The following CDH18 variants were observed in gnomAD, a reference collection of about 807,000 sequenced individuals.
The protein encoded by CDH18 is cadherin 18.
In CDH18, 31 loss-of-function variants were observed where a neutral mutation model predicts 67.9. The observed-to-expected ratio is 0.46, with a 90% CI of 0.34 to 0.62. CDH18 has a LOEUF of 0.62. Ranked by LOEUF, CDH18 falls within the 20% of genes least tolerant of loss-of-function variation. The probability of loss-of-function intolerance (pLI) is 0.01; values close to 1 mark genes in which losing one functional copy is unlikely to be tolerated. For synonymous variants in CDH18, 362 were observed against 347.2 expected, an observed-to-expected ratio of 1.04 and a Z score of -0.48; for missense variants, 890 against 975.5, an observed-to-expected ratio of 0.91 and a Z score of 1.17.
intron 2 of CDH18, among the ~76,000 whole-genome samples, chr5:20,219,691 CA>C (rs1224399055): frequency 6.6e-6 from 1 of 151,778 alleles, no homozygotes; most frequent in Admixed American, 6.6e-5. Flanking sequence ...GCAAATCAAT[CA>C]ATGTGATATA....
chr5:19,784,367 A>G (rs1775472481), intron 3 of CDH18, among the ~76,000 whole-genome samples: 1 of 152,162 alleles, frequency 6.6e-6, no homozygotes, highest in Non-Finnish European at 1.5e-5. Context: ...GCAACTTGAA[A>G]TTTTTAGTTA....
At chr5:20,367,157 T>C (rs937558357) in intron 1 of CDH18, among the ~76,000 whole-genome samples, 1 of 152,140 alleles carries the variant, frequency 6.6e-6, no homozygotes, top group Non-Finnish European at 1.5e-5. Flanking sequence ...TGCTGTCTTT[T>C]GATTGAGAGC....
intron 3 of CDH18, among the ~76,000 whole-genome samples, chr5:19,796,327 CCA>C (rs1244318121): frequency 6.6e-6 from 1 of 151,798 alleles, no homozygotes; most frequent in African/African-American, 2.4e-5. Flanking sequence ...TTGAAAGCAG[CCA>C]GAGTAAAGTG....
At chr5:19,572,519 C>T (rs137961759) in intron 7 of CDH18, among the ~76,000 whole-genome samples, 322 of 152,230 alleles carry the variant, frequency 2.1e-3, no homozygotes, top group African/African-American at 7.5e-3. Context: ...ATTCAGGTTG[C>T]TATAACAGAA....
chr5:20,334,729 ATCTC>A (rs766458176), intron 1 of CDH18, among the ~76,000 whole-genome samples: 2,133 of 129,726 alleles, frequency 0.016, 45 homozygotes, highest in East Asian at 0.11. Context: ...GAGTGCTATG[ATCTC>A]TCTCTCTCTC....
At chr5:20,548,682 A>G (rs1703041) in intron 1 of CDH18, among the ~76,000 whole-genome samples, 66,979 of 151,926 alleles carry the variant, frequency 0.44, 15,196 homozygotes, top group East Asian at 0.57. Flanking sequence ...TTATGACTGA[A>G]GAATGCTGAA....
intron 2 of CDH18, among the ~76,000 whole-genome samples, chr5:19,903,625 T>C (rs1438096516): frequency 2.3e-5 from 3 of 132,844 alleles, no homozygotes; most frequent in East Asian, 4.0e-4. Flanking sequence ...GGCTTTTTTT[T>C]TTTTTTTTTT....
chr5:19,536,285 T>C (rs1286526137), intron 9 of CDH18, among the ~76,000 whole-genome samples: 2 of 152,184 alleles, frequency 1.3e-5, no homozygotes, highest in East Asian at 1.9e-4. Context: ...TTTGTCTAAG[T>C]TGTTGAAAAA....
chr5:20,498,932 C>G (rs1754072023), intron 1 of CDH18, among the ~76,000 whole-genome samples: 1 of 151,406 alleles, frequency 6.6e-6, no homozygotes, highest in Non-Finnish European at 1.5e-5. Context: ...TTTTAAATAT[C>G]TGGTTATAGA....
At chr5:20,069,261 A>G (rs1356119200) in intron 2 of CDH18, among the ~76,000 whole-genome samples, 2 of 151,942 alleles carry the variant, frequency 1.3e-5, no homozygotes, top group African/African-American at 4.8e-5. Context: ...CTGGGCTGCC[A>G]TTTCTGAGGC....
intron 2 of CDH18, among the ~76,000 whole-genome samples, chr5:20,051,957 A>G (rs935318611): frequency 1.3e-5 from 2 of 152,044 alleles, no homozygotes; most frequent in African/African-American, 4.8e-5. Context: ...CCCCTCTTTC[A>G]TCATGGGCAC....
At chr5:20,095,379 GA>G (rs1254893785) in intron 2 of CDH18, among the ~76,000 whole-genome samples, 67 of 106,366 alleles carry the variant, frequency 6.3e-4, no homozygotes, top group African/African-American at 7.6e-4. Flanking sequence ...AAGAAAGAAA[GA>G]AAAGAGAAAC....
At chr5:19,869,567 A>T (rs1198264764) in intron 2 of CDH18, among the ~76,000 whole-genome samples, 1 of 152,156 alleles carries the variant, frequency 6.6e-6, no homozygotes, top group Admixed American at 6.6e-5. Context: ...TGATTTGAAT[A>T]ATAATTCTAC....
intron 2 of CDH18, among the ~76,000 whole-genome samples, chr5:19,922,044 G>A (rs1459347567): frequency 2.6e-5 from 4 of 152,110 alleles, no homozygotes; most frequent in Non-Finnish European, 5.9e-5. Flanking sequence ...TCATTTCTGA[G>A]AATGTGAAGG....
intron 1 of CDH18, among the ~76,000 whole-genome samples, chr5:20,360,968 G>C (rs1273229312): frequency 1.3e-5 from 2 of 151,818 alleles, no homozygotes; most frequent in African/African-American, 4.8e-5. Flanking sequence ...TCAACCATAA[G>C]TGATTTTATT....
At chr5:19,702,560 G>A (rs183107429) in intron 5 of CDH18, among the ~76,000 whole-genome samples, 1 of 151,352 alleles carries the variant, frequency 6.6e-6, no homozygotes, top group East Asian at 2.1e-4. Flanking sequence ...GAGGTCAGGA[G>A]TTCAAGACCA....
chr5:20,211,746 C>T (rs1421320945), intron 2 of CDH18, among the ~76,000 whole-genome samples: 1 of 152,072 alleles, frequency 6.6e-6, no homozygotes, highest in Non-Finnish European at 1.5e-5. Context: ...AAAGGACATC[C>T]ACACCAAAAC....
At position 20,108,079 on chromosome 5, in the gene CDH18, G is replaced by GTGTTT. The variant is rs1195363101; in HGVS notation, c.-517-116070_-517-116066dup. On this transcript the variant is annotated intron_variant, in intron 2 of 14. Transcript: ENST00000507958. ...CTCTTTGTTTTTGTTTGTTTCTTTT[G>GTGTTT]TGTTTTGTTTTGTTTTGTTTTGAGG... 5.2e-3 allele frequency among the ~76,000 whole-genome samples: 794 copies of GTGTTT among 151,526 alleles called. 8 individuals carry two copies. The highest frequency in any genetic ancestry group is 0.018 in the African/African-American group (733 of 41,302).
intron 1 of CDH18, among the ~76,000 whole-genome samples, chr5:20,523,226 T>G (rs1163647310): frequency 1.3e-5 from 2 of 152,198 alleles, no homozygotes; most frequent in African/African-American, 4.8e-5. Context: ...GAAAGCAAGT[T>G]TGCTCATGCA....
Sources: gnomAD v4.1 joint callset for allele counts (sites outside exome capture counted in the v4.1 genomes callset) on GRCh38, gnomAD v4.1.1 for gene constraint, MANE v1.5 for transcripts, NCBI Gene and HGNC (gene_info 2026-07-23, HGNC 2026-07-21) for gene names.